The following MYZAP variants were observed in gnomAD, a reference collection of about 807,000 sequenced individuals.
MYZAP encodes the protein myocardial zonula adherens protein.
MYZAP carries 66 observed loss-of-function variants against 69.4 expected under a neutral mutation model. The observed-to-expected ratio is 0.95, with a 90% confidence interval of 0.78 to 1.17. The LOEUF is 1.17. MYZAP is among the 50% of genes most tolerant of loss of function. The probability of loss-of-function intolerance (pLI) is 0.00; values close to 1 mark genes in which losing one functional copy is unlikely to be tolerated. For missense variants in MYZAP, 611 were observed against 556.2 expected (o/e 1.10, Z -0.99); for synonymous variants, 256 against 205.9 (o/e 1.24, Z -2.09).
intron 1 of MYZAP, among the ~76,000 whole-genome samples, chr15:57,599,255 C>T (rs1430250738): frequency 2.6e-5 from 4 of 152,014 alleles, no homozygotes; most frequent in African/African-American, 9.7e-5. Flanking sequence ...AACCACAAAG[C>T]TATCCTGTCT....
chr15:57,675,079 A>G lies in MYZAP; in HGVS notation c.1304+11A>G. 6.5e-7 allele frequency: 1 copy of G among 1,537,586 alleles called. No homozygotes were observed. Among genetic ancestry groups the G allele is most frequent in the South Asian group, 1.2e-5 (1 of 84,774 alleles). ...TGATCTTCTACCCAGGTATTTAGGAATTTCCTGATTTTTTTTTTTATTCAA... is the reference window on the plus strand; with the variant it reads ...TGATCTTCTACCCAGGTATTTAGGAGTTTCCTGATTTTTTTTTTTATTCAA... On this transcript the variant is annotated intron_variant, in intron 12 of 12. Transcript: ENST00000267853.
At chr15:57,667,430 T>C (rs1559776) in intron 11 of MYZAP, among the ~76,000 whole-genome samples, 104,249 of 152,056 alleles carry the variant, frequency 0.69, 39,346 homozygotes, top group Non-Finnish European at 0.84. Context: ...TGGTATTCGT[T>C]ACACATATAA....
At chr15:57,593,006 G>A (rs556010270) in intron 1 of MYZAP, among the ~76,000 whole-genome samples, 1 of 152,140 alleles carries the variant, frequency 6.6e-6, no homozygotes, top group Non-Finnish European at 1.5e-5. Context: ...TTCTGTCTGC[G>A]TGCAGGCTTG....
chr15:57,632,503 G>C lies in MYZAP; in HGVS notation c.748G>C (p.Glu250Gln), dbSNP rs200616476. ...GACCAAGAAGCTGTACAGCCAGTAT[G>C]AGGAGAAGCTGCAGGAAGAACAGAG... Reference protein sequence around the residue: ...EMTKKLYSQYEEKLQEEQRKH... With the variant: ...EMTKKLYSQYQEKLQEEQRKH... Residue 250 changes from glutamate (E) to glutamine (Q), a missense_variant, in exon 7 of 13, where the codon GAG (glutamate) becomes CAG (glutamine). By Grantham distance (29) the Glu-to-Gln change is conservative (BLOSUM62 2). Coordinates refer to ENST00000267853, the MANE Select transcript of MYZAP (RefSeq NM_001018100.5). 9 of 1,614,252 alleles carry C rather than the reference G, an allele frequency of 5.6e-6. No homozygotes were observed. The African/African-American group carries it at 1.1e-4, about 19-fold the overall frequency.
chr15:57,617,978 G>A, intron 2 of MYZAP, 55 bp from the exon 3 acceptor site: 2 of 1,573,150 alleles, frequency 1.3e-6, no homozygotes, highest in Non-Finnish European at 1.7e-6. Context: ...TATTACAACT[G>A]TGCATGAGGC....
At chr15:57,674,138 ATT>A (rs146413303) in intron 11 of MYZAP, among the ~76,000 whole-genome samples, 2 of 149,770 alleles carry the variant, frequency 1.3e-5, no homozygotes, top group Non-Finnish European at 1.5e-5. Flanking sequence ...CTTTCTGAAT[ATT>A]TTTTTTTTGG....
chr15:57,677,063 G>A (rs764867097), intron 12 of MYZAP, among the ~76,000 whole-genome samples: 5 of 152,284 alleles, frequency 3.3e-5, no homozygotes, highest in South Asian at 4.1e-4. Flanking sequence ...TGTGAAAGGC[G>A]CCAGGGAAGT....
chr15:57,631,060 G>A (rs1567217024), intron 6 of MYZAP, among the ~76,000 whole-genome samples: 1 of 152,172 alleles, frequency 6.6e-6, no homozygotes, highest in African/African-American at 2.4e-5. Context: ...TCCTCTGTAT[G>A]TTCACTTCTA....
intron 10 of MYZAP, among the ~76,000 whole-genome samples, chr15:57,660,984 A>G (rs1171541686): frequency 1.3e-5 from 2 of 152,230 alleles, no homozygotes; most frequent in Non-Finnish European, 2.9e-5. Context: ...GGTTGAACAA[A>G]TATGAATGTA....
intron 11 of MYZAP, among the ~76,000 whole-genome samples, chr15:57,672,611 A>C (rs2038920105): frequency 6.6e-6 from 1 of 152,116 alleles, no homozygotes; most frequent in Non-Finnish European, 1.5e-5. Context: ...TCCAGCTTTC[A>C]CTTGGGAGCC....
At chr15:57,674,267 C>T (rs1457357661) in intron 11 of MYZAP, among the ~76,000 whole-genome samples, 2 of 152,124 alleles carry the variant, frequency 1.3e-5, no homozygotes, top group Admixed American at 6.6e-5. Flanking sequence ...TTCATTTCCC[C>T]CATGAGGCAA....
intron 2 of MYZAP, among the ~76,000 whole-genome samples, chr15:57,616,598 T>A (rs1240387511): frequency 2.0e-5 from 3 of 152,030 alleles, no homozygotes; most frequent in Non-Finnish European, 4.4e-5. Flanking sequence ...ATTGCGCCGC[T>A]GCTCTCCAAC....
rs372001740 is a variant in MYZAP, at chr15:57,636,208, TG to T, written c.934-1486del. ...TTTATCACTGTTATTTCGGGGCTAA[TG>T]TAAAACTTCCAACCACATAGGGGCA... is the stretch of plus-strand genomic sequence containing the variant. On this transcript the variant is annotated intron_variant, in intron 8 of 12. Transcript: ENST00000267853. Among the ~76,000 whole-genome samples, 664 of 152,204 alleles carry T rather than the reference TG, an allele frequency of 4.4e-3. 4 individuals are homozygous for T. Among genetic ancestry groups the T allele is most frequent in the African/African-American group, 0.015 (629 of 41,522 alleles).
chr15:57,670,544 C>T (rs1335432199), intron 11 of MYZAP, among the ~76,000 whole-genome samples: 1 of 151,974 alleles, frequency 6.6e-6, no homozygotes, highest in Non-Finnish European at 1.5e-5. Context: ...GTTATAGTCT[C>T]TGCCATTTAA....
At chr15:57,663,010 G>A (rs1450073511) in intron 11 of MYZAP, among the ~76,000 whole-genome samples, 3 of 152,202 alleles carry the variant, frequency 2.0e-5, no homozygotes, top group Non-Finnish European at 4.4e-5. Flanking sequence ...CTCAGTGCCA[G>A]CCTTGTGAAT....
At chr15:57,646,753 G>A (rs188660797) in intron 10 of MYZAP, 9 of 985,604 alleles carry the variant, frequency 9.1e-6, no homozygotes, top group African/African-American at 7.0e-5. Context: ...ACTCATCTTA[G>A]GACTCTTCTA....
intron 8 of MYZAP, among the ~76,000 whole-genome samples, chr15:57,637,251 A>G (rs1239697306): frequency 6.6e-6 from 1 of 152,252 alleles, no homozygotes; most frequent in Non-Finnish European, 1.5e-5. Flanking sequence ...GAATCTGACC[A>G]CAACATATTT....
intron 10 of MYZAP, chr15:57,646,495 A>G: frequency 9.7e-7 from 1 of 1,030,520 alleles, no homozygotes; most frequent in Admixed American, 5.6e-5. Flanking sequence ...GAAAAAGGCT[A>G]CTGAAAAACC....
At chr15:57,624,741 A>C (rs538131212) in intron 4 of MYZAP, among the ~76,000 whole-genome samples, 15 of 152,250 alleles carry the variant, frequency 9.9e-5, no homozygotes, top group African/African-American at 3.6e-4. Flanking sequence ...AAGTCATCCT[A>C]CCTACTGCAG....
Sources: gnomAD v4.1 joint callset for allele counts (sites outside exome capture counted in the v4.1 genomes callset) on GRCh38, gnomAD v4.1.1 for gene constraint, MANE v1.5 for transcripts, NCBI Gene and HGNC (gene_info 2026-07-23, HGNC 2026-07-21) for gene names.